The following POLQ variants were observed in gnomAD, a reference collection of about 807,000 sequenced individuals.
POLQ encodes the protein epididymis secretory sperm binding protein.
A neutral mutation model predicts 259.2 loss-of-function variants in POLQ; 233 were observed. The ratio of observed to expected loss-of-function variants is 0.90; its 90% CI spans 0.81 to 1.00. POLQ has a LOEUF of 1.00. Among genes scored for constraint, POLQ ranks in the 50% least tolerant of loss-of-function variants. The pLI is 0.00. For missense variants in POLQ, 2,871 were observed against 3,051.6 expected, an observed-to-expected ratio of 0.94 and a Z score of 1.39; for synonymous variants, 1,025 against 1,048.8, an observed-to-expected ratio of 0.98 and a Z score of 0.44.
chr3:121,529,938 A>C, intron 6 of POLQ, 146 bp from the exon 7 acceptor site: 1 of 580,076 alleles, frequency 1.7e-6, no homozygotes, highest in Non-Finnish European at 2.9e-6. Flanking sequence ...AACAAAAGAA[A>C]GGAAAAAAAG....
At chr3:121,494,789 G>A (rs1218919708) in intron 14 of POLQ, 17 of 1,491,030 alleles carry the variant, frequency 1.1e-5, no homozygotes, top group Non-Finnish European at 1.5e-5. Flanking sequence ...CAATTACAAC[G>A]ACAGATAGGA....
chr3:121,449,243 C>A lies in POLQ; in HGVS notation c.7264+72G>T, dbSNP rs56229575. 3.5e-4 allele frequency: 269 copies of A among 773,780 alleles called. No homozygotes were observed. The East Asian group carries it at 6.3e-3, about 18-fold the overall frequency. 47.9% of individuals were successfully genotyped at this position (773,780 alleles called of 1,614,324 possible). A position where few individuals can be genotyped will look rare whatever the true frequency, so the allele number is the denominator to read the frequency against. ...CTAATTGATATTTCAAAAGAAAATT[C>A]CATTACACAAATTTTTAAAAATATA... On this transcript the variant is annotated intron_variant, in intron 26 of 29. Coordinates refer to ENST00000264233, the MANE Select transcript of POLQ (RefSeq NM_199420.4).
In POLQ at chr3:121,488,602, A is replaced by G; in HGVS notation, c.4329T>C (p.Asn1443=). The G allele has an allele frequency of 1.2e-6, 2 of 1,607,080 alleles. No homozygotes were observed. Among genetic ancestry groups the G allele is most frequent in the Non-Finnish European group, 1.7e-6 (2 of 1,177,858 alleles). ...GTGTTTGATAACCTTGAAGAAAACTATTTAATTGTGAATCAGTAACAGAAA... is the reference window on the plus strand; with the variant it reads ...GTGTTTGATAACCTTGAAGAAAACTGTTTAATTGTGAATCAGTAACAGAAA... The part of the protein sequence containing the change: ...NEVSVTDSQL[N]SFLQGYQTQE... Residue 1443 remains asparagine (N), a synonymous_variant, in exon 16 of 30, where the codon AAT becomes AAC. Coordinates refer to ENST00000264233, the MANE Select transcript of POLQ (RefSeq NM_199420.4).
intron 26 of POLQ, among the ~76,000 whole-genome samples, chr3:121,447,229 G>A (rs2047639529): frequency 7.0e-6 from 1 of 142,558 alleles, no homozygotes; most frequent in South Asian, 2.3e-4. Flanking sequence ...GGAGTGCAAT[G>A]GCACAGTCTT....
intron 24 of POLQ, among the ~76,000 whole-genome samples, chr3:121,461,658 AAAAAAAG>A (rs1465271392): frequency 7.1e-6 from 1 of 141,824 alleles, no homozygotes; most frequent in Admixed American, 7.3e-5. Context: ...TCAAAAAAAA[AAAAAAAG>A]AAAGAAAAAG....
rs749048338 is a variant in POLQ, at chr3:121,545,958, T to C, written c.-81A>G. 5.4e-6 allele frequency: 8 copies of C among 1,486,488 alleles called. No individual in the cohort carries two copies. Among genetic ancestry groups the C allele is most frequent in the Admixed American group, 3.8e-5 (2 of 52,390 alleles). 92.1% of individuals were successfully genotyped at this position (1,486,488 alleles called of 1,614,324 possible). Reference sequence around the variant, plus strand: ...GGGAGAACCCTGGCCTGGCAACAGCTGCGGACATCTTCCCGCCAGTCTTCA... The same window carrying C: ...GGGAGAACCCTGGCCTGGCAACAGCCGCGGACATCTTCCCGCCAGTCTTCA... On this transcript the variant is annotated 5_prime_UTR_variant, in exon 1 of 30. Transcript: ENST00000264233.
chr3:121,502,207 T>C (rs189702089), intron 12 of POLQ, among the ~76,000 whole-genome samples: 205 of 152,292 alleles, frequency 1.3e-3, no homozygotes, highest in African/African-American at 4.5e-3. Context: ...TTGTACTGTA[T>C]TGGGTTTGTT....
Position 121,440,105 on chromosome 3 carries a change from A to G in POLQ, c.7276T>C (p.Phe2426Leu). 1 of 1,606,220 alleles carries G rather than the reference A, an allele frequency of 6.2e-7. No individual in the cohort carries two copies. ...CAATTCTTCACTGTCTCTGTCATGAATTGATTAATCCCTACAAAGAAAATA... is the reference window on the plus strand; with the variant it reads ...CAATTCTTCACTGTCTCTGTCATGAGTTGATTAATCCCTACAAAGAAAATA... Reference protein sequence around the residue: ...FKSRYTGINQFMTETVKNCKR... With the variant: ...FKSRYTGINQLMTETVKNCKR... Residue 2426 changes from phenylalanine to leucine, a missense_variant, in exon 27 of 30, where the codon TTC (phenylalanine) becomes CTC (leucine). By Grantham distance (22) the Phe-to-Leu change is conservative (BLOSUM62 0). This residue lies in a region of POLQ where 2,080 missense variants were observed against 2,126.0 expected (regional missense o/e 0.98). Transcript: ENST00000264233.
intron 22 of POLQ, among the ~76,000 whole-genome samples, chr3:121,469,699 A>C (rs1177555927): frequency 6.6e-6 from 1 of 152,220 alleles, no homozygotes; most frequent in Admixed American, 6.5e-5. Flanking sequence ...TAGTTGAATT[A>C]ATGAAGCAAC....
chr3:121,489,619 A>C lies in POLQ; in HGVS notation c.3312T>G (p.Ser1104Arg). Residue 1104 changes from serine to arginine, a missense_variant, in exon 16 of 30, where the codon AGT (serine) becomes AGG (arginine). Transcript: ENST00000264233. ...ATGTTTTATTATCTTTTTCCTTACC[A>C]CTCAAAGATACATTTTTAGCAAATG... ...SGPFAKNVSL[S>R]GKEKDNKTSF... 1 of 1,613,756 alleles carries C rather than the reference A, an allele frequency of 6.2e-7. No individual in the cohort carries two copies. The highest frequency in any genetic ancestry group is 8.5e-7 in the Non-Finnish European group (1 of 1,179,854).
chr3:121,446,406 G>A (rs1350157753), intron 26 of POLQ, among the ~76,000 whole-genome samples: 1 of 152,078 alleles, frequency 6.6e-6, no homozygotes. Context: ...TGTATTGTGT[G>A]GCCATTAAAT....
Position 121,476,530 on chromosome 3 carries a change from A to G in POLQ, c.6405+10T>C, listed in dbSNP as rs966979051. On this transcript the variant is annotated intron_variant, in intron 20 of 29. Coordinates refer to ENST00000264233, the MANE Select transcript of POLQ (RefSeq NM_199420.4). Reference sequence around the variant, plus strand: ...ATTATGTATCTATATCCCTAGCCCCATGATACAACCTCAGCGATGTCATCT... The same window carrying G: ...ATTATGTATCTATATCCCTAGCCCCGTGATACAACCTCAGCGATGTCATCT... 1 of 1,601,598 alleles carries G rather than the reference A, an allele frequency of 6.2e-7. No individual in the cohort carries two copies. Among genetic ancestry groups the G allele is most frequent in the African/African-American group, 1.3e-5 (1 of 74,626 alleles).
intron 24 of POLQ, among the ~76,000 whole-genome samples, chr3:121,461,173 T>C (rs2047788452): frequency 1.3e-5 from 2 of 152,220 alleles, no homozygotes; most frequent in Admixed American, 1.3e-4. Context: ...TCGTACATTG[T>C]TACTGAGAAG....
rs1249066715 is a variant in POLQ, at chr3:121,496,866, T to C, written c.2220A>G (p.Lys740=). 1 of 1,613,904 alleles carries C rather than the reference T, an allele frequency of 6.2e-7. No homozygotes were observed. Among genetic ancestry groups the C allele is most frequent in the Non-Finnish European group, 8.5e-7 (1 of 1,179,908 alleles). Residue 740 remains lysine (K), a synonymous_variant, in exon 14 of 30, where the codon AAA becomes AAG. Transcript: ENST00000264233. The part of the protein sequence containing the change: ...SEVPLREINQ[K]YGCNRGQIQS... ...GAATCTGCCCACGATTGCATCCATA[T>C]TTCTGATTTATTTCCCTTAAGGGAA...
At chr3:121,538,583 AC>A (rs1408829572) in intron 4 of POLQ, among the ~76,000 whole-genome samples, 6 of 143,858 alleles carry the variant, frequency 4.2e-5, no homozygotes, top group Admixed American at 2.1e-4. Context: ...TCATTCATTC[AC>A]CAAAAAAAAA....
intron 12 of POLQ, among the ~76,000 whole-genome samples, chr3:121,507,917 G>A (rs1453891413): frequency 2.6e-5 from 4 of 151,522 alleles, no homozygotes; most frequent in Admixed American, 6.6e-5. Flanking sequence ...ATGGTGGCAC[G>A]ATCATAGCTC....
chr3:121,509,786 G>C (rs911190819), intron 11 of POLQ, 83 bp from the exon 12 acceptor site: 2 of 1,352,988 alleles, frequency 1.5e-6, no homozygotes, highest in Middle Eastern at 1.9e-4. Flanking sequence ...TGTTTTCCAT[G>C]CTAACCCTCC....
At chr3:121,482,793 T>A (rs2047981209) in intron 18 of POLQ, among the ~76,000 whole-genome samples, 1 of 152,214 alleles carries the variant, frequency 6.6e-6, no homozygotes, top group African/African-American at 2.4e-5. Flanking sequence ...ACTCAATTCT[T>A]TCTTTTGTAG....
intron 8 of POLQ, among the ~76,000 whole-genome samples, chr3:121,520,641 G>A (rs2048330487): frequency 6.6e-6 from 1 of 152,166 alleles, no homozygotes; most frequent in South Asian, 2.1e-4. Flanking sequence ...GAAAACAGCA[G>A]GTCTCCGCTG....
Sources: gnomAD v4.1 joint callset for allele counts (sites outside exome capture counted in the v4.1 genomes callset) on GRCh38, gnomAD v4.1.1 for gene constraint, gnomAD v4.1.1 regional missense constraint, MANE v1.5 for transcripts, NCBI Gene and HGNC (gene_info 2026-07-23, HGNC 2026-07-21) for gene names.